GRXCR1: variants seen among roughly 807,000 people sequenced by gnomAD.
GRXCR1 encodes glutaredoxin and cysteine rich domain containing 1.
Under a neutral mutation model 27.3 loss-of-function variants are expected in GRXCR1, and 27 were observed. The observed-to-expected ratio is 0.99, with a 90% CI of 0.73 to 1.37. GRXCR1 has a LOEUF of 1.37. Among genes scored for constraint, GRXCR1 ranks in the 40% most tolerant of loss-of-function variants. The probability of loss-of-function intolerance (pLI) is 0.00; values close to 1 mark genes in which losing one functional copy is unlikely to be tolerated. For synonymous variants in GRXCR1, 122 were observed against 131.1 expected (o/e 0.93, Z 0.47); for missense variants, 379 against 354.4 (o/e 1.07, Z -0.56).
At chr4:42,952,629 G>A (rs1747911703) in intron 1 of GRXCR1, among the ~76,000 whole-genome samples, 1 of 152,076 alleles carries the variant, frequency 6.6e-6, no homozygotes, top group Non-Finnish European at 1.5e-5. Flanking sequence ...ATCAAGACAA[G>A]ATAAATTAGA....
intron 1 of GRXCR1, among the ~76,000 whole-genome samples, chr4:42,941,059 G>T (rs1282213633): frequency 1.3e-5 from 2 of 151,892 alleles, no homozygotes; most frequent in Non-Finnish European, 2.9e-5. Context: ...TATACATACA[G>T]AAATATAAAT....
At chr4:42,971,941 C>T (rs1748397873) in intron 2 of GRXCR1, among the ~76,000 whole-genome samples, 1 of 152,084 alleles carries the variant, frequency 6.6e-6, no homozygotes, top group Non-Finnish European at 1.5e-5. Context: ...CTTTGTTGCT[C>T]AGGCTGGAGG....
In GRXCR1 at chr4:42,913,714, T is replaced by G. The variant is rs368135899; in HGVS notation, c.384+20064T>G. On this transcript the variant is annotated intron_variant, in intron 1 of 3. Transcript: ENST00000399770. ...AGCCAATGGGGAAAATATCACCAGGTCATGTCAGAGACCTTCATGGCAGCC... is the reference window on the plus strand; with the variant it reads ...AGCCAATGGGGAAAATATCACCAGGGCATGTCAGAGACCTTCATGGCAGCC... Among the ~76,000 whole-genome samples the G allele has an allele frequency of 4.3e-4, 65 of 152,232 alleles. 2 individuals carry two copies. The South Asian group carries it at 9.8e-3, about 23-fold the overall frequency.
chr4:42,966,741 A>G (rs1157169649), intron 2 of GRXCR1, among the ~76,000 whole-genome samples: 2 of 152,062 alleles, frequency 1.3e-5, no homozygotes, highest in East Asian at 3.9e-4. Context: ...ATTCTAATAG[A>G]TGTGTAGAGA....
intron 2 of GRXCR1, among the ~76,000 whole-genome samples, chr4:42,996,317 T>G (rs1027418852): frequency 6.6e-6 from 1 of 152,174 alleles, no homozygotes; most frequent in African/African-American, 2.4e-5. Context: ...TACCGTCTGA[T>G]TAAAAATACA....
intron 1 of GRXCR1, among the ~76,000 whole-genome samples, chr4:42,930,696 C>A (rs1305942784): frequency 6.6e-6 from 1 of 151,954 alleles, no homozygotes; most frequent in East Asian, 1.9e-4. Context: ...TATTAGCCAA[C>A]CACAGATAAG....
At chr4:42,995,027 C>A (rs1256783792) in intron 2 of GRXCR1, among the ~76,000 whole-genome samples, 1 of 152,058 alleles carries the variant, frequency 6.6e-6, no homozygotes, top group African/African-American at 2.4e-5. Context: ...AATAAATGGA[C>A]AATTTTTAAT....
chr4:43,022,126 T>A (rs2109808030), intron 3 of GRXCR1, among the ~76,000 whole-genome samples: 1 of 152,346 alleles, frequency 6.6e-6, no homozygotes, highest in African/African-American at 2.4e-5. Flanking sequence ...CCTTTTTATT[T>A]AAACAATTTG....
intron 1 of GRXCR1, among the ~76,000 whole-genome samples, chr4:42,909,592 T>C (rs1296412294): frequency 6.6e-6 from 1 of 152,144 alleles, no homozygotes; most frequent in Non-Finnish European, 1.5e-5. Flanking sequence ...TTTAGGGTCA[T>C]TATTGTTATT....
At chr4:43,016,443 A>G (rs1712933215) in intron 2 of GRXCR1, among the ~76,000 whole-genome samples, 1 of 152,170 alleles carries the variant, frequency 6.6e-6, no homozygotes, top group Non-Finnish European at 1.5e-5. Context: ...TTCTCCTTTA[A>G]CGAAAAATTT....
Position 42,943,726 on chromosome 4 carries a change from A to T in GRXCR1, c.385-19166A>T, listed in dbSNP as rs1334706372. On this transcript the variant is annotated intron_variant, in intron 1 of 3. Transcript: ENST00000399770. ...TTATTCATTCAAGAAATATTTTTTC[A>T]TCACCTGCTATGTGCCAGATATTGC... 2.6e-5 allele frequency among the ~76,000 whole-genome samples: 4 copies of T among 152,116 alleles called. No individual in the cohort carries two copies. The East Asian group carries it at 5.8e-4, about 22-fold the overall frequency.
intron 1 of GRXCR1, among the ~76,000 whole-genome samples, chr4:42,927,532 G>T (rs1747188102): frequency 1.3e-5 from 2 of 151,992 alleles, no homozygotes; most frequent in South Asian, 2.1e-4. Context: ...GCATCTTAAA[G>T]AAGTAAAAAG....
rs1046524088 is a variant in GRXCR1, at chr4:42,951,576, C to T, written c.385-11316C>T. Among the ~76,000 whole-genome samples the T allele has an allele frequency of 8.5e-5, 13 of 152,274 alleles. No homozygotes were observed. In the South Asian group the frequency reaches 1.5e-3, roughly 17 times the overall value. Reference sequence around the variant, plus strand: ...CCAGTCATCGTAATGCTGCAATGAACGTATGTGTTCATGTATCTTTATGAT... The same window carrying T: ...CCAGTCATCGTAATGCTGCAATGAATGTATGTGTTCATGTATCTTTATGAT... On this transcript the variant is annotated intron_variant, in intron 1 of 3. Coordinates refer to ENST00000399770, the MANE Select transcript of GRXCR1 (RefSeq NM_001080476.3).
intron 2 of GRXCR1, 39 bp downstream of exon 2, chr4:42,963,173 C>G: frequency 1.2e-6 from 2 of 1,603,404 alleles, no homozygotes; most frequent in Non-Finnish European, 1.7e-6. Context: ...TCATAGAACC[C>G]AACCAGGGCT....
chr4:42,893,211 GT>G lies in GRXCR1; in HGVS notation c.-55del. ...ATATTGCTATCTGGCAAGTGGACTA[GT>G]GCAGTAACAACGGGTCCAGAATGCT... On this transcript the variant is annotated 5_prime_UTR_variant, in exon 1 of 4. Coordinates refer to ENST00000399770, the MANE Select transcript of GRXCR1 (RefSeq NM_001080476.3). The G allele has an allele frequency of 2.5e-6, 4 of 1,604,074 alleles. No homozygotes were observed. In the South Asian group the frequency reaches 3.3e-5, roughly 13 times the overall value.
chr4:43,014,940 A>G (rs1712884597), intron 2 of GRXCR1, among the ~76,000 whole-genome samples: 1 of 152,170 alleles, frequency 6.6e-6, no homozygotes, highest in Non-Finnish European at 1.5e-5. Flanking sequence ...GCAAAATGTG[A>G]TCTGAGAGCA....
chr4:43,014,938 T>C (rs1712884461), intron 2 of GRXCR1, among the ~76,000 whole-genome samples: 1 of 152,118 alleles, frequency 6.6e-6, no homozygotes, highest in South Asian at 2.1e-4. Flanking sequence ...GAGCAAAATG[T>C]GATCTGAGAG....
intron 1 of GRXCR1, among the ~76,000 whole-genome samples, chr4:42,901,071 A>G (rs1234051703): frequency 6.6e-6 from 1 of 152,118 alleles, no homozygotes; most frequent in Non-Finnish European, 1.5e-5. Flanking sequence ...CCAAGTAAAT[A>G]TCCCCTTTTT....
chr4:42,905,334 C>G (rs963166737), intron 1 of GRXCR1, among the ~76,000 whole-genome samples: 3 of 152,192 alleles, frequency 2.0e-5, no homozygotes, highest in African/African-American at 7.2e-5. Context: ...CTTGCGCCTT[C>G]TGGGTAGAGA....
Sources: gnomAD v4.1 joint callset for allele counts (sites outside exome capture counted in the v4.1 genomes callset) on GRCh38, gnomAD v4.1.1 for gene constraint, MANE v1.5 for transcripts, NCBI Gene and HGNC (gene_info 2026-07-23, HGNC 2026-07-21) for gene names.